HS6ST2: variants seen among roughly 807,000 people sequenced by gnomAD.
HS6ST2 encodes heparan sulfate 6-O-sulfotransferase 2.
Under a neutral mutation model 33.0 loss-of-function variants are expected in HS6ST2, and 17 were observed. The ratio of observed to expected loss-of-function variants is 0.52; its 90% CI spans 0.35 to 0.77. The LOEUF is 0.77. HS6ST2 is among the 30% of genes least tolerant of loss of function. The pLI is 0.01. For synonymous variants in HS6ST2, 248 were observed against 237.1 expected (o/e 1.05, Z -0.42); for missense variants, 519 against 551.7 (o/e 0.94, Z 0.59).
At chrX:132,719,690 T>C (rs1430328467) in intron 2 of HS6ST2, among the ~76,000 whole-genome samples, 1 of 112,228 alleles carries the variant, frequency 8.9e-6, no homozygotes, top group East Asian at 2.8e-4. Flanking sequence ...CCCTTCAAGT[T>C]ACAAGTGAGT....
At chrX:132,740,005 T>C (rs2064554522) in intron 2 of HS6ST2, among the ~76,000 whole-genome samples, 1 of 111,504 alleles carries the variant, frequency 9.0e-6, no homozygotes, top group African/African-American at 3.3e-5. Context: ...ATTCTTTATG[T>C]GAAATCTAGT....
chrX:132,880,536 GA>G (rs2066157265), intron 2 of HS6ST2, among the ~76,000 whole-genome samples: 42 of 2,435 alleles, frequency 0.017, no homozygotes, highest in Admixed American at 0.17. Context: ...AAAAAAAAAG[GA>G]AAAAAAAAAA....
intron 2 of HS6ST2, among the ~76,000 whole-genome samples, chrX:132,748,443 A>AC (rs1213013142): frequency 1.8e-5 from 2 of 111,998 alleles, no homozygotes; most frequent in East Asian, 5.6e-4. Flanking sequence ...CTTGGCTGCC[A>AC]CCACTGTTGC....
Position 132,843,739 on chromosome X carries a change from G to A in HS6ST2, c.947+113069C>T, listed in dbSNP as rs182371529. The stretch of plus-strand genomic sequence containing the variant: ...TCCCGAAATGCGATCTTCAATTCTA[G>A]CTGCCATGACTTTATGAGGGACAAA... On this transcript the variant is annotated intron_variant, in intron 2 of 4. Coordinates refer to ENST00000370833, the MANE Select transcript of HS6ST2 (RefSeq NM_001394073.1). Among the ~76,000 whole-genome samples, 246 of 111,676 alleles carry A rather than the reference G, an allele frequency of 2.2e-3. 1 individual carries two copies. The highest frequency in any genetic ancestry group is 7.5e-3 in the African/African-American group (230 of 30,774).
intron 2 of HS6ST2, among the ~76,000 whole-genome samples, chrX:132,951,641 A>G (rs1043559144): frequency 8.9e-6 from 1 of 111,879 alleles, no homozygotes; most frequent in African/African-American, 3.3e-5. Flanking sequence ...ATAGTCCTGC[A>G]CTTCACATGC....
At chrX:132,812,881 C>T (rs1412673830) in intron 2 of HS6ST2, among the ~76,000 whole-genome samples, 2 of 110,570 alleles carry the variant, frequency 1.8e-5, no homozygotes, top group African/African-American at 6.6e-5. Context: ...TCCTTTTGGT[C>T]CTCTTGCTAC....
In HS6ST2 at chrX:132,958,171, G is replaced by T; in HGVS notation, c.428+4C>A. The T allele has an allele frequency of 8.8e-7, 1 of 1,134,949 alleles. No homozygotes were observed. The highest frequency in any genetic ancestry group is 2.1e-5 in the South Asian group (1 of 48,074). The allele number at this position is 1,134,949 out of a possible 1,213,427, so 93.5% of individuals were successfully genotyped here. A position where few individuals can be genotyped will look rare whatever the true frequency, so the allele number is the denominator to read the frequency against. Reference sequence around the variant, plus strand: ...CGCGAACCCCGCTTTCACCTAGAACGTACCTGGCCATGGGGCCGAAAATCT... The same window carrying T: ...CGCGAACCCCGCTTTCACCTAGAACTTACCTGGCCATGGGGCCGAAAATCT... On this transcript the variant is annotated splice_donor_region_variant and intron_variant, in intron 1 of 4. Coordinates refer to ENST00000370833, the MANE Select transcript of HS6ST2 (RefSeq NM_001394073.1).
At chrX:132,778,346 A>G (rs997734075) in intron 2 of HS6ST2, among the ~76,000 whole-genome samples, 1 of 112,380 alleles carries the variant, frequency 8.9e-6, no homozygotes, top group Non-Finnish European at 1.9e-5. Context: ...GTTAAAATGT[A>G]TATCAGATGC....
chrX:132,882,925 C>CA (rs2066195590), intron 2 of HS6ST2, among the ~76,000 whole-genome samples: 1 of 111,209 alleles, frequency 9.0e-6, no homozygotes, highest in African/African-American at 3.3e-5. Context: ...TGCTGGATTA[C>CA]GTTCATTGAT....
At chrX:132,676,661 G>A (rs2063925524) in intron 3 of HS6ST2, among the ~76,000 whole-genome samples, 1 of 111,335 alleles carries the variant, frequency 9.0e-6, no homozygotes, top group Non-Finnish European at 1.9e-5. Context: ...AGGTGGCAGG[G>A]ACCCCCAGAG....
At chrX:132,913,344 G>A (rs769280408) in intron 2 of HS6ST2, among the ~76,000 whole-genome samples, 1 of 112,491 alleles carries the variant, frequency 8.9e-6, no homozygotes, top group Admixed American at 9.4e-5. Context: ...CAACAGGACT[G>A]AAAGAGCTGT....
Position 132,957,083 on chromosome X carries a change from C to G in HS6ST2, c.672G>C (p.Lys224Asn). Residue 224 changes from lysine to asparagine, a missense_variant, in exon 2 of 5, where the codon AAG becomes AAC. By Grantham distance (94) the Lys-to-Asn change is moderately conservative. Transcript: ENST00000370833. ...DLLRKVDFDI[K>N]GDDLIVFLHI... is the part of the protein sequence containing the mutation. The stretch of plus-strand genomic sequence containing the variant: ...GCAGGAACACGATCAGGTCATCGCC[C>G]TTGATGTCGAAGTCTACCTTGCGCA... 1.7e-6 allele frequency: 2 copies of G among 1,211,909 alleles called. No individual in the cohort carries two copies. Among genetic ancestry groups the G allele is most frequent in the Non-Finnish European group, 1.1e-6 (1 of 895,491 alleles).
At chrX:132,641,962 A>G (rs890096643) in intron 4 of HS6ST2, among the ~76,000 whole-genome samples, 3 of 112,192 alleles carry the variant, frequency 2.7e-5, no homozygotes, top group African/African-American at 9.7e-5. Flanking sequence ...GCCTGGGGGC[A>G]GGGGTATAGC....
chrX:132,913,246 G>A (rs2066551380), intron 2 of HS6ST2, among the ~76,000 whole-genome samples: 1 of 111,945 alleles, frequency 8.9e-6, no homozygotes, highest in Non-Finnish European at 1.9e-5. Context: ...GTAGCCCTCT[G>A]CCCTCCGCCA....
chrX:132,871,263 C>T (rs2090353454), intron 2 of HS6ST2, among the ~76,000 whole-genome samples: 1 of 111,770 alleles, frequency 8.9e-6, no homozygotes, highest in Non-Finnish European at 1.9e-5. Context: ...ATCATTAAAA[C>T]GTCAGGAAAC....
At chrX:132,804,579 C>T (rs772603031) in intron 2 of HS6ST2, among the ~76,000 whole-genome samples, 2 of 112,010 alleles carry the variant, frequency 1.8e-5, no homozygotes, top group Admixed American at 9.5e-5. Flanking sequence ...GCAGGAGGAT[C>T]GCTTGAGCTC....
chrX:132,644,359 A>T (rs1259144384), intron 4 of HS6ST2, among the ~76,000 whole-genome samples: 1 of 111,254 alleles, frequency 9.0e-6, no homozygotes, highest in Non-Finnish European at 1.9e-5. Context: ...CAATCCTATG[A>T]AGTATACAGG....
chrX:132,680,716 G>C (rs1602573968), intron 3 of HS6ST2, among the ~76,000 whole-genome samples: 2 of 111,273 alleles, frequency 1.8e-5, no homozygotes, highest in Middle Eastern at 9.3e-3. Flanking sequence ...TTTGCTGATG[G>C]CTGGGCATGG....
chrX:132,635,398 C>T (rs1247571604), intron 4 of HS6ST2, among the ~76,000 whole-genome samples: 1 of 111,598 alleles, frequency 9.0e-6, no homozygotes, highest in Non-Finnish European at 1.9e-5. Context: ...TCCACACCCC[C>T]AGATGGCACA....
Sources: allele counts gnomAD v4.1 joint callset (sites outside exome capture counted in the v4.1 genomes callset), GRCh38; gene constraint gnomAD v4.1.1; transcripts MANE v1.5; gene names NCBI Gene and HGNC (gene_info 2026-07-23, HGNC 2026-07-21).